Variants in NTN4 observed in about 807,000 individuals in gnomAD.
The protein encoded by NTN4 is netrin-4.
In NTN4, 32 loss-of-function variants were observed where a neutral mutation model predicts 73.6. That is an observed-to-expected ratio of 0.44 (90% CI 0.33 to 0.58). The LOEUF (loss-of-function observed/expected upper bound fraction) is 0.58, where lower values mean the gene tolerates loss of function less well. Among genes scored for constraint, NTN4 ranks in the 20% least tolerant of loss-of-function variants. NTN4 has a pLI of 0.04. For synonymous variants in NTN4, 258 were observed against 287.5 expected, an observed-to-expected ratio of 0.90 and a Z score of 1.04; for missense variants, 654 against 798.3, an observed-to-expected ratio of 0.82 and a Z score of 2.18.
At position 95,658,550 on chromosome 12, in the gene NTN4, C is replaced by T. The variant is rs1484227125; in HGVS notation, c.*536G>A. ...AACAGCAGTCACCAAACGTTCACAA[C>T]ACAAGTGGTAGGTAGTAAAGTGCTT... On this transcript the variant is annotated 3_prime_UTR_variant, in exon 10 of 10. Coordinates refer to ENST00000343702, the MANE Select transcript of NTN4 (RefSeq NM_021229.4). The T allele has an allele frequency of 6.6e-6, 1 of 152,642 alleles. No individual in the cohort carries two copies. Among genetic ancestry groups the T allele is most frequent in the Non-Finnish European group, 1.5e-5 (1 of 68,050 alleles). The allele number at this position is 152,642 out of a possible 1,614,324, so 9.5% of individuals were successfully genotyped here. A position where few individuals can be genotyped will look rare whatever the true frequency, so the allele number is the denominator to read the frequency against.
At chr12:95,771,037 T>C (rs1430681901) in intron 2 of NTN4, among the ~76,000 whole-genome samples, 4 of 145,112 alleles carry the variant, frequency 2.8e-5, no homozygotes, top group African/African-American at 8.1e-5. Context: ...TCGCCCAGGC[T>C]GGAGTGCAGT....
At chr12:95,771,534 CA>C (rs1179422467) in intron 2 of NTN4, among the ~76,000 whole-genome samples, 1 of 152,132 alleles carries the variant, frequency 6.6e-6, no homozygotes, top group Admixed American at 6.5e-5. Context: ...TGCTCTCCAT[CA>C]AATTTTGTAA....
At chr12:95,685,735 A>G (rs1204623929) in intron 5 of NTN4, among the ~76,000 whole-genome samples, 1 of 152,192 alleles carries the variant, frequency 6.6e-6, no homozygotes, top group Non-Finnish European at 1.5e-5. Flanking sequence ...CTAGGCTCTC[A>G]TCTCAGTTCC....
At chr12:95,697,013 T>TA (rs1018564657) in intron 5 of NTN4, among the ~76,000 whole-genome samples, 173 of 143,820 alleles carry the variant, frequency 1.2e-3, no homozygotes, top group Middle Eastern at 3.6e-3. Context: ...CTACAAAAAA[T>TA]AAAAAAAAAA....
At chr12:95,725,442 T>C (rs1351607833) in intron 3 of NTN4, among the ~76,000 whole-genome samples, 2 of 152,180 alleles carry the variant, frequency 1.3e-5, no homozygotes, top group South Asian at 2.1e-4. Flanking sequence ...TGTGTTTGCA[T>C]AGTTTCTGGT....
chr12:95,672,291 C>A, intron 7 of NTN4: 1 of 765,454 alleles, frequency 1.3e-6, no homozygotes, highest in Non-Finnish European at 2.4e-6. Flanking sequence ...GCACTGCCTC[C>A]CAAGCCCGCC....
intron 7 of NTN4, among the ~76,000 whole-genome samples, chr12:95,681,262 A>C (rs1227295081): frequency 2.0e-5 from 3 of 152,128 alleles, no homozygotes; most frequent in African/African-American, 7.2e-5. Flanking sequence ...TATATAGGTA[A>C]TAAAAACATG....
chr12:95,712,693 C>G (rs1377139200), intron 4 of NTN4, among the ~76,000 whole-genome samples: 2 of 151,996 alleles, frequency 1.3e-5, no homozygotes, highest in African/African-American at 4.8e-5. Context: ...CCTTCACCTC[C>G]CGGTTTCAAG....
At chr12:95,786,901 A>G (rs746398748) in intron 2 of NTN4, 38 bp downstream of exon 2, 5 of 1,547,488 alleles carry the variant, frequency 3.2e-6, no homozygotes, top group Middle Eastern at 1.7e-4. Flanking sequence ...ACATTTTTCT[A>G]TCTTACTTAC....
chr12:95,762,391 G>A (rs1203003562), intron 2 of NTN4, among the ~76,000 whole-genome samples: 2 of 152,160 alleles, frequency 1.3e-5, no homozygotes, highest in Non-Finnish European at 2.9e-5. Flanking sequence ...TCACTTGTAG[G>A]AGACCTTGAG....
At chr12:95,734,069 CAA>C (rs34550049) in intron 3 of NTN4, among the ~76,000 whole-genome samples, 8,742 of 93,712 alleles carry the variant, frequency 0.093, 445 homozygotes, top group African/African-American at 0.18. Context: ...GACTCCATTT[CAA>C]AAAAAAAAAA....
At position 95,790,590 on chromosome 12, in the gene NTN4, C is replaced by A. The variant is rs527975439; in HGVS notation, c.-281G>T. On this transcript the variant is annotated 5_prime_UTR_variant, in exon 1 of 10. Coordinates refer to ENST00000343702, the MANE Select transcript of NTN4 (RefSeq NM_021229.4). The surrounding 1 kb of genome is among the most constrained non-coding windows in gnomAD (Gnocchi z 6.5). Reference sequence around the variant, plus strand: ...CCATAGCCGGCCTGGCTGCGCTGCCCCGCGGAGCGGCCCTGCGGGCTCGTC... The same window carrying A: ...CCATAGCCGGCCTGGCTGCGCTGCCACGCGGAGCGGCCCTGCGGGCTCGTC... 5.4e-5 allele frequency: 14 copies of A among 259,876 alleles called. No homozygotes were observed. Among genetic ancestry groups the A allele is most frequent in the Non-Finnish European group, 8.0e-5 (11 of 138,240 alleles). The allele number at this position is 259,876 out of a possible 1,614,324, so 16.1% of individuals were successfully genotyped here. A position where few individuals can be genotyped will look rare whatever the true frequency, so the allele number is the denominator to read the frequency against.
chr12:95,676,039 G>A (rs531356262), intron 7 of NTN4, among the ~76,000 whole-genome samples: 1 of 152,278 alleles, frequency 6.6e-6, no homozygotes, highest in Admixed American at 6.5e-5. Flanking sequence ...TGCCCTCCTG[G>A]TTTTCAAAGA....
intron 2 of NTN4, among the ~76,000 whole-genome samples, chr12:95,746,724 T>C (rs2078865630): frequency 6.6e-6 from 1 of 152,182 alleles, no homozygotes; most frequent in Non-Finnish European, 1.5e-5. Flanking sequence ...TCCTAGATTC[T>C]CGAGTCCTTA....
intron 2 of NTN4, among the ~76,000 whole-genome samples, chr12:95,755,352 A>G (rs2078940575): frequency 6.6e-6 from 1 of 152,204 alleles, no homozygotes; most frequent in Admixed American, 6.5e-5. Flanking sequence ...AAGTATGTGA[A>G]GTTTCCAGGG....
intron 7 of NTN4, among the ~76,000 whole-genome samples, chr12:95,676,108 GT>G (rs932516690): frequency 4.0e-5 from 6 of 151,868 alleles, no homozygotes; most frequent in Non-Finnish European, 7.4e-5. Context: ...ATTCTTTTTT[GT>G]TTTTTTGTTT....
At chr12:95,742,066 G>C (rs780289648) in intron 2 of NTN4, among the ~76,000 whole-genome samples, 5 of 152,098 alleles carry the variant, frequency 3.3e-5, no homozygotes, top group Non-Finnish European at 7.4e-5. Flanking sequence ...CCTGAGGATG[G>C]GGATTCTTGG....
At position 95,682,057 on chromosome 12, in the gene NTN4, C is replaced by CTTTTTTTTTTTTTTTT. The variant is rs557973212; in HGVS notation, c.1510+634_1510+649dup. ...TTCCAAACCTAATATATTCAGTAGGCTTTTTTTTTTTTTTTTTTTTTTTGA... is the reference window on the plus strand; with the variant it reads ...TTCCAAACCTAATATATTCAGTAGGCTTTTTTTTTTTTTTTTTTTTTTTTTTTTTTTTTTTTTTTGA... On this transcript the variant is annotated intron_variant, in intron 7 of 9. Transcript: ENST00000343702. Among the ~76,000 whole-genome samples, 68 of 64,540 alleles carry CTTTTTTTTTTTTTTTT rather than the reference C, an allele frequency of 1.1e-3. 19 individuals are homozygous for CTTTTTTTTTTTTTTTT. Among genetic ancestry groups the CTTTTTTTTTTTTTTTT allele is most frequent in the South Asian group, 1.7e-3 (2 of 1,152 alleles). 42.3% of individuals were successfully genotyped at this position (64,540 alleles called of 152,430 possible).
intron 2 of NTN4, among the ~76,000 whole-genome samples, chr12:95,742,812 A>G (rs982482420): frequency 3.3e-5 from 5 of 152,206 alleles, no homozygotes; most frequent in Non-Finnish European, 7.3e-5. Context: ...TCTCTGGCAC[A>G]TTGTAGCATT....
Sources: allele counts gnomAD v4.1 joint callset (sites outside exome capture counted in the v4.1 genomes callset), GRCh38; gene constraint gnomAD v4.1.1; non-coding constraint Gnocchi (gnomAD v3.1); transcripts MANE v1.5; gene names NCBI Gene and HGNC (gene_info 2026-07-23, HGNC 2026-07-21).